The following FBXL17 variants were observed in gnomAD, a reference collection of about 807,000 sequenced individuals.
FBXL17 encodes F-box and leucine rich repeat protein 17.
Under a neutral mutation model 66.2 loss-of-function variants are expected in FBXL17, and 22 were observed. The ratio of observed to expected loss-of-function variants is 0.33; its 90% confidence interval spans 0.24 to 0.47. FBXL17 has a LOEUF of 0.47. FBXL17 is among the 20% of genes least tolerant of loss of function. FBXL17 has a pLI of 1.00. For missense variants in FBXL17, 878 were observed against 948.2 expected, an observed-to-expected ratio of 0.93 and a Z score of 0.97; for synonymous variants, 474 against 400.5, an observed-to-expected ratio of 1.18 and a Z score of -2.19.
intron 6 of FBXL17, among the ~76,000 whole-genome samples, chr5:108,075,141 A>G (rs939927652): frequency 2.0e-5 from 3 of 152,300 alleles, no homozygotes; most frequent in Admixed American, 1.3e-4. Context: ...TAAAAACTGC[A>G]AATACTTTGT....
intron 8 of FBXL17, chr5:107,879,224 C>T: frequency 2.0e-6 from 2 of 985,408 alleles, no homozygotes; most frequent in South Asian, 9.4e-5. Flanking sequence ...CTGAGAATGG[C>T]TGCGGACACA....
chr5:107,997,879 A>G (rs1242870401), intron 7 of FBXL17, among the ~76,000 whole-genome samples: 1 of 152,210 alleles, frequency 6.6e-6, no homozygotes, highest in African/African-American at 2.4e-5. Context: ...TATTTGCCAC[A>G]AAGAAGGAAA....
rs188712559 is a variant in FBXL17, at chr5:107,994,787, G to A, written c.1822+26138C>T. Reference sequence around the variant, plus strand: ...CGGGAGGCGGAGGTTGCAGTGAGCCGAGATTGCGCCACTGCACTCCAGCCT... The same window carrying A: ...CGGGAGGCGGAGGTTGCAGTGAGCCAAGATTGCGCCACTGCACTCCAGCCT... On this transcript the variant is annotated intron_variant, in intron 7 of 8. Coordinates refer to ENST00000542267, the MANE Select transcript of FBXL17 (RefSeq NM_001163315.3). Among the ~76,000 whole-genome samples the A allele has an allele frequency of 2.5e-3, 379 of 152,244 alleles. 3 individuals are homozygous for A. The highest frequency in any genetic ancestry group is 8.4e-3 in the African/African-American group (351 of 41,554).
At chr5:108,338,550 C>T (rs1746665223) in intron 4 of FBXL17, among the ~76,000 whole-genome samples, 1 of 152,028 alleles carries the variant, frequency 6.6e-6, no homozygotes, top group Non-Finnish European at 1.5e-5. Context: ...TACCATCATA[C>T]TTTAGAAACC....
chr5:107,912,535 C>T (rs1749984856), intron 7 of FBXL17, among the ~76,000 whole-genome samples: 1 of 151,966 alleles, frequency 6.6e-6, no homozygotes, highest in African/African-American at 2.4e-5. Context: ...TCAGGGAATA[C>T]TGTTGAATGA....
At chr5:108,363,868 C>T (rs915827954) in intron 3 of FBXL17, among the ~76,000 whole-genome samples, 9 of 151,862 alleles carry the variant, frequency 5.9e-5, no homozygotes. Context: ...ATGCTATATA[C>T]ACAAAATATA....
chr5:108,227,491 A>G (rs1324714098), intron 4 of FBXL17, among the ~76,000 whole-genome samples: 2 of 152,230 alleles, frequency 1.3e-5, no homozygotes, highest in African/African-American at 4.8e-5. Context: ...CACAGTCAAG[A>G]TGAGATCGAC....
chr5:108,044,817 A>G, intron 6 of FBXL17, among the ~76,000 whole-genome samples: 1 of 152,118 alleles, frequency 6.6e-6, no homozygotes, highest in East Asian at 1.9e-4. Context: ...AATTTCCTTA[A>G]TAAGTATAGT....
intron 7 of FBXL17, among the ~76,000 whole-genome samples, chr5:107,976,815 T>A (rs894748351): frequency 6.6e-6 from 1 of 152,146 alleles, no homozygotes; most frequent in Non-Finnish European, 1.5e-5. Flanking sequence ...GTGTTTAAGG[T>A]CTCAAGCCAT....
intron 6 of FBXL17, among the ~76,000 whole-genome samples, chr5:108,179,450 A>T (rs1752918304): frequency 6.6e-6 from 1 of 152,192 alleles, no homozygotes; most frequent in Admixed American, 6.5e-5. Flanking sequence ...ATACAAAAAT[A>T]AAAAAAGAGA....
intron 6 of FBXL17, among the ~76,000 whole-genome samples, chr5:108,053,887 T>C (rs768108277): frequency 1.3e-5 from 2 of 152,032 alleles, no homozygotes; most frequent in Non-Finnish European, 2.9e-5. Context: ...ATAGACTTGA[T>C]AAAGAAAATG....
At chr5:107,953,669 T>C (rs1417340400) in intron 7 of FBXL17, among the ~76,000 whole-genome samples, 2 of 152,170 alleles carry the variant, frequency 1.3e-5, no homozygotes, top group East Asian at 1.9e-4. Context: ...TCCCATGACA[T>C]CTTTCTTCAC....
At chr5:108,067,243 C>G (rs962833571) in intron 6 of FBXL17, among the ~76,000 whole-genome samples, 2 of 152,066 alleles carry the variant, frequency 1.3e-5, no homozygotes, top group Non-Finnish European at 2.9e-5. Flanking sequence ...TTATCTGAGA[C>G]ATGTAAAACA....
chr5:108,284,518 G>A (rs1284155216), intron 4 of FBXL17, among the ~76,000 whole-genome samples: 3 of 151,848 alleles, frequency 2.0e-5, no homozygotes, highest in Non-Finnish European at 4.4e-5. Flanking sequence ...TGGATGTAGA[G>A]TGTGGAACAA....
intron 4 of FBXL17, among the ~76,000 whole-genome samples, chr5:108,296,451 T>C (rs1758354157): frequency 1.3e-5 from 2 of 151,934 alleles, no homozygotes; most frequent in Non-Finnish European, 3.0e-5. Flanking sequence ...TAATAATACA[T>C]CTAATACTAA....
intron 6 of FBXL17, among the ~76,000 whole-genome samples, chr5:108,110,439 T>C (rs955191749): frequency 1.3e-5 from 2 of 152,110 alleles, no homozygotes; most frequent in African/African-American, 2.4e-5. Context: ...AAAAAACCTA[T>C]GAATTAATGC....
chr5:107,992,627 C>T (rs1237868381), intron 7 of FBXL17, among the ~76,000 whole-genome samples: 1 of 152,084 alleles, frequency 6.6e-6, no homozygotes, highest in African/African-American at 2.4e-5. Context: ...CTTTGGGGTA[C>T]ACATTTTAAA....
At chr5:108,218,194 G>C (rs762085894) in intron 5 of FBXL17, among the ~76,000 whole-genome samples, 4 of 151,568 alleles carry the variant, frequency 2.6e-5, no homozygotes, top group African/African-American at 4.8e-5. Flanking sequence ...TTTTTTAGTA[G>C]AGATGGGGTT....
intron 4 of FBXL17, among the ~76,000 whole-genome samples, chr5:108,284,073 T>C (rs1295850427): frequency 6.6e-6 from 1 of 151,826 alleles, no homozygotes; most frequent in African/African-American, 2.4e-5. Context: ...AAGGGAACAT[T>C]AAACACTGTA....
Sources: allele counts gnomAD v4.1 joint callset (sites outside exome capture counted in the v4.1 genomes callset), GRCh38; gene constraint gnomAD v4.1.1; transcripts MANE v1.5; gene names NCBI Gene and HGNC (gene_info 2026-07-23, HGNC 2026-07-21).